PTPRN2: variants seen among roughly 807,000 people sequenced by gnomAD.
The protein encoded by PTPRN2 is receptor-type tyrosine-protein phosphatase N2.
A neutral mutation model predicts 118.8 loss-of-function variants in PTPRN2; 74 were observed. That is an observed-to-expected ratio of 0.62 (90% confidence interval 0.52 to 0.76). The LOEUF (loss-of-function observed/expected upper bound fraction) is 0.76. PTPRN2 is among the 30% of genes least tolerant of loss of function. PTPRN2 has a pLI of 0.00. For synonymous variants in PTPRN2, 641 were observed against 608.0 expected (o/e 1.05, Z -0.80); for missense variants, 1,481 against 1,394.4 (o/e 1.06, Z -0.99).
chr7:157,967,399 C>T (rs1474067165), intron 11 of PTPRN2, among the ~76,000 whole-genome samples: 1 of 152,206 alleles, frequency 6.6e-6, no homozygotes, highest in Non-Finnish European at 1.5e-5. Flanking sequence ...GGCTGAGCTG[C>T]ACTCCTTTCT....
intron 1 of PTPRN2, among the ~76,000 whole-genome samples, chr7:158,560,598 C>T (rs996345146): frequency 1.3e-5 from 2 of 152,278 alleles, no homozygotes; most frequent in South Asian, 2.1e-4. Context: ...GACCGTGTGG[C>T]GGTTCCTCAC....
chr7:157,548,607 C>T (rs935303720), intron 22 of PTPRN2, among the ~76,000 whole-genome samples: 5 of 152,238 alleles, frequency 3.3e-5, no homozygotes, highest in African/African-American at 4.8e-5. Context: ...CTCAGAACAT[C>T]CTCCTGAGGG....
intron 11 of PTPRN2, among the ~76,000 whole-genome samples, chr7:157,991,911 T>C (rs1804285184): frequency 6.6e-6 from 1 of 151,788 alleles, no homozygotes; most frequent in Non-Finnish European, 1.5e-5. Context: ...GCTCCCAGCA[T>C]CGGTCACAGC....
chr7:158,218,537 T>C (rs973939215), intron 3 of PTPRN2, among the ~76,000 whole-genome samples: 1 of 152,096 alleles, frequency 6.6e-6, no homozygotes, highest in African/African-American at 2.4e-5. Flanking sequence ...CAAGTTTACA[T>C]GAAAACCAGC....
intron 14 of PTPRN2, among the ~76,000 whole-genome samples, chr7:157,644,907 G>A (rs1363662954): frequency 6.6e-6 from 1 of 152,176 alleles, no homozygotes; most frequent in Non-Finnish European, 1.5e-5. Context: ...GAACCACACG[G>A]GCCCGAGCTA....
chr7:158,016,276 G>A (rs971882326), intron 11 of PTPRN2, among the ~76,000 whole-genome samples: 13 of 152,200 alleles, frequency 8.5e-5, no homozygotes, highest in Non-Finnish European at 1.8e-4. Context: ...CACTTCACAA[G>A]CCACAGATGC....
intron 11 of PTPRN2, among the ~76,000 whole-genome samples, chr7:158,032,398 T>G (rs1807752154): frequency 6.6e-6 from 1 of 152,096 alleles, no homozygotes; most frequent in South Asian, 2.1e-4. Context: ...TTGGGGCAAG[T>G]TCTGGTCAGT....
At chr7:157,599,483 G>A (rs1801537163) in intron 16 of PTPRN2, among the ~76,000 whole-genome samples, 1 of 152,116 alleles carries the variant, frequency 6.6e-6, no homozygotes, top group Admixed American at 6.5e-5. Flanking sequence ...TGCTATCAGA[G>A]GATAATTACT....
At chr7:158,550,827 A>C (rs922194762) in intron 1 of PTPRN2, among the ~76,000 whole-genome samples, 4 of 152,194 alleles carry the variant, frequency 2.6e-5, no homozygotes, top group African/African-American at 9.7e-5. Flanking sequence ...CTGCTGCTGA[A>C]ATCCAACACT....
Position 157,813,324 on chromosome 7 carries a change from G to A in PTPRN2, c.1788+85349C>T, listed in dbSNP as rs999703782. On this transcript the variant is annotated intron_variant, in intron 12 of 22. Coordinates refer to ENST00000389418, the MANE Select transcript of PTPRN2 (RefSeq NM_002847.5). This position sits in a 1 kb window ranked among gnomAD's most constrained non-coding sequence, Gnocchi z 4.7. Reference sequence around the variant, plus strand: ...TGAGTCCAGCCAGTGCTGGGAAGCCGGTGTGGCTAGGACAACAAAGACCAA... The same window carrying A: ...TGAGTCCAGCCAGTGCTGGGAAGCCAGTGTGGCTAGGACAACAAAGACCAA... Among the ~76,000 whole-genome samples the A allele has an allele frequency of 2.0e-5, 3 of 152,110 alleles. No homozygotes were observed. Among genetic ancestry groups the A allele is most frequent in the East Asian group, 1.9e-4 (1 of 5,190 alleles).
intron 11 of PTPRN2, among the ~76,000 whole-genome samples, chr7:158,071,520 GTGGAGATGCTCGTGATGA>G (rs1563391739): frequency 0.018 from 2,408 of 133,596 alleles, 21 homozygotes; most frequent in Non-Finnish European, 0.027. Flanking sequence ...GCTCGTGGTG[GTGGAGATGCTCGTGATGA>G]TGGAGGTGCT....
rs1159071004 is a variant in PTPRN2, at chr7:158,565,059, C to T, written c.112+22499G>A. The stretch of plus-strand genomic sequence containing the variant: ...CCAGCCATGCATGGACCCAGGGATG[C>T]TGACACCATTCAGAAAATTGTATTG... On this transcript the variant is annotated intron_variant, in intron 1 of 22. Transcript: ENST00000389418. The surrounding 1 kb of genome is among the most constrained non-coding windows in gnomAD (Gnocchi z 4.6). Among the ~76,000 whole-genome samples the T allele has an allele frequency of 6.6e-6, 1 of 152,160 alleles. No individual in the cohort carries two copies. The highest frequency in any genetic ancestry group is 2.4e-5 in the African/African-American group (1 of 41,432).
intron 12 of PTPRN2, among the ~76,000 whole-genome samples, chr7:157,702,243 G>A (rs1279273543): frequency 4.0e-5 from 6 of 151,276 alleles, no homozygotes; most frequent in Admixed American, 2.6e-4. Flanking sequence ...AAGCCTGGTC[G>A]GTCCTGGTGT....
At chr7:157,795,571 T>C (rs1585489777) in intron 12 of PTPRN2, among the ~76,000 whole-genome samples, 1 of 152,284 alleles carries the variant, frequency 6.6e-6, no homozygotes, top group South Asian at 2.1e-4. Context: ...GTGCTTGCTC[T>C]GACATTTGCC....
At chr7:158,283,214 G>T (rs76650660) in intron 3 of PTPRN2, among the ~76,000 whole-genome samples, 2,355 of 152,334 alleles carry the variant, frequency 0.015, 75 homozygotes, top group African/African-American at 0.053. Flanking sequence ...AGAAAACCAA[G>T]CAAGTACTTC....
intron 10 of PTPRN2, among the ~76,000 whole-genome samples, chr7:158,083,569 A>G (rs1813010174): frequency 1.3e-5 from 2 of 152,178 alleles, no homozygotes; most frequent in Admixed American, 6.5e-5. Context: ...CCCCTATGCT[A>G]TGAAGAAGCA....
At chr7:158,120,690 T>G (rs1817092502) in intron 9 of PTPRN2, among the ~76,000 whole-genome samples, 1 of 152,208 alleles carries the variant, frequency 6.6e-6, no homozygotes, top group Non-Finnish European at 1.5e-5. Context: ...AGATGTCCTC[T>G]CTTTTCCTGT....
chr7:158,542,626 G>A lies in PTPRN2; in HGVS notation c.112+44932C>T, dbSNP rs896696948. Among the ~76,000 whole-genome samples, 6 of 152,204 alleles carry A rather than the reference G, an allele frequency of 3.9e-5. 1 individual carries two copies. Among genetic ancestry groups the A allele is most frequent in the Non-Finnish European group, 5.9e-5 (4 of 68,034 alleles). ...TCCATCCCTCTCCCAGCGGAGCAACGCTCAACCCAAGCAAGTGAGCTCCCT... is the reference window on the plus strand; with the variant it reads ...TCCATCCCTCTCCCAGCGGAGCAACACTCAACCCAAGCAAGTGAGCTCCCT... On this transcript the variant is annotated intron_variant, in intron 1 of 22. Transcript: ENST00000389418.
At chr7:157,781,521 T>C (rs1488208710) in intron 12 of PTPRN2, among the ~76,000 whole-genome samples, 1 of 152,240 alleles carries the variant, frequency 6.6e-6, no homozygotes, top group Admixed American at 6.5e-5. Flanking sequence ...GAATCTGTAC[T>C]AAGAAAACTT....
Sources: gnomAD v4.1 joint callset for allele counts (sites outside exome capture counted in the v4.1 genomes callset) on GRCh38, gnomAD v4.1.1 for gene constraint, Gnocchi (gnomAD v3.1) non-coding constraint, MANE v1.5 for transcripts, NCBI Gene and HGNC (gene_info 2026-07-23, HGNC 2026-07-21) for gene names.